The following PCDHA10 variants were observed in gnomAD, a reference collection of about 807,000 sequenced individuals.
The protein encoded by PCDHA10 is protocadherin alpha 10.
Under a neutral mutation model 61.2 loss-of-function variants are expected in PCDHA10, and 45 were observed. That is an observed-to-expected ratio of 0.74 (90% CI 0.58 to 0.94). The LOEUF is 0.94. Among genes scored for constraint, PCDHA10 ranks in the 40% least tolerant of loss-of-function variants. The probability of loss-of-function intolerance (pLI) is 0.00; values close to 1 mark genes in which losing one functional copy is unlikely to be tolerated. For synonymous variants in PCDHA10, 602 were observed against 548.8 expected, an observed-to-expected ratio of 1.10 and a Z score of -1.35; for missense variants, 1,278 against 1,236.2, an observed-to-expected ratio of 1.03 and a Z score of -0.51.
At chr5:140,896,470 C>T (rs1583233416) in intron 1 of PCDHA10, among the ~76,000 whole-genome samples, 2 of 151,962 alleles carry the variant, frequency 1.3e-5, no homozygotes, top group South Asian at 4.2e-4. Context: ...TCAAGCGGTT[C>T]TCCTGCCTCA....
chr5:140,877,112 G>A, intron 1 of PCDHA10: 1 of 1,613,670 alleles, frequency 6.2e-7, no homozygotes, highest in Non-Finnish European at 8.5e-7. Flanking sequence ...CCTCTGGGCA[G>A]CAACGTGACG....
intron 1 of PCDHA10, chr5:140,875,939 G>A (rs2055971750): frequency 6.2e-7 from 1 of 1,614,158 alleles, no homozygotes; most frequent in Non-Finnish European, 8.5e-7. Flanking sequence ...CCTCTAGAGG[G>A]CGCTTCTGAT....
Position 140,871,086 on chromosome 5 carries a change from G to C in PCDHA10, c.2388+12650G>C, listed in dbSNP as rs556097993. The C allele has an allele frequency of 1.9e-6, 3 of 1,613,256 alleles. No individual in the cohort carries two copies. In the South Asian group the frequency reaches 3.3e-5, roughly 18 times the overall value. ...ACGGTGAGCCGGCGCTGACGGCCAC[G>C]GCCACCGTGCTGGTGTCGTTGGTGG... On this transcript the variant is annotated intron_variant, in intron 1 of 3. Coordinates refer to ENST00000307360, the MANE Select transcript of PCDHA10 (RefSeq NM_018901.4).
intron 3 of PCDHA10, among the ~76,000 whole-genome samples, chr5:141,004,566 T>C (rs2098171206): frequency 6.6e-6 from 1 of 152,186 alleles, no homozygotes; most frequent in Non-Finnish European, 1.5e-5. Context: ...GATGAACATA[T>C]CTCTGTGTTC....
At chr5:140,871,187 T>C in intron 1 of PCDHA10, 1 of 1,613,626 alleles carries the variant, frequency 6.2e-7, no homozygotes, top group Non-Finnish European at 8.5e-7. Flanking sequence ...CTGGTGGATG[T>C]CAACGTGTAC....
intron 1 of PCDHA10, among the ~76,000 whole-genome samples, chr5:140,972,527 C>A (rs1173109086): frequency 6.6e-6 from 1 of 152,092 alleles, no homozygotes; most frequent in Non-Finnish European, 1.5e-5. Flanking sequence ...GAGCTTATTT[C>A]ATAAATCACT....
At position 140,857,104 on chromosome 5, in the gene PCDHA10, T is replaced by G; in HGVS notation, c.1056T>G (p.Thr352=). Residue 352 remains threonine, a synonymous_variant, in exon 1 of 4, where the codon ACT becomes ACG. Transcript: ENST00000307360. ...ATAATTCACCTGAGGTGATTGTCACTTCTCTGTCTCTCCCAGTGAAAGAAG... is the reference window on the plus strand; with the variant it reads ...ATAATTCACCTGAGGTGATTGTCACGTCTCTGTCTCTCCCAGTGAAAGAAG... ...ENDNSPEVIV[T]SLSLPVKEDA... is the part of the protein sequence containing the mutation. 3.8e-6 allele frequency: 6 copies of G among 1,597,962 alleles called. No homozygotes were observed. The highest frequency in any genetic ancestry group is 5.1e-6 in the Non-Finnish European group (6 of 1,167,488).
At chr5:140,999,605 G>T (rs1587843541) in intron 3 of PCDHA10, among the ~76,000 whole-genome samples, 2 of 152,132 alleles carry the variant, frequency 1.3e-5, no homozygotes, top group Admixed American at 1.3e-4. Context: ...CATCCTGGGG[G>T]ACCTTATCAA....
intron 1 of PCDHA10, chr5:140,927,419 G>T (rs781883331): frequency 1.9e-6 from 3 of 1,614,140 alleles, no homozygotes; most frequent in South Asian, 2.2e-5. Flanking sequence ...ATGGGATCGC[G>T]GGTTGACGGC....
At chr5:140,987,995 C>T (rs1554249784) in intron 3 of PCDHA10, among the ~76,000 whole-genome samples, 3 of 152,178 alleles carry the variant, frequency 2.0e-5, no homozygotes, top group African/African-American at 7.2e-5. Flanking sequence ...CATCTCTGAT[C>T]CTTCCCCAGA....
At chr5:140,984,132 G>A (rs1395953013) in intron 3 of PCDHA10, among the ~76,000 whole-genome samples, 1 of 152,240 alleles carries the variant, frequency 6.6e-6, no homozygotes, top group African/African-American at 2.4e-5. Context: ...GTTGCAGGAT[G>A]TGGAGGCATC....
chr5:140,972,499 G>A (rs1398741603), intron 1 of PCDHA10, among the ~76,000 whole-genome samples: 3 of 151,888 alleles, frequency 2.0e-5, no homozygotes, highest in South Asian at 4.2e-4. Flanking sequence ...TAATCTGTTG[G>A]TAGATTTTAC....
chr5:140,973,015 A>T (rs1554234824), intron 1 of PCDHA10, among the ~76,000 whole-genome samples: 1 of 152,000 alleles, frequency 6.6e-6, no homozygotes, highest in African/African-American at 2.4e-5. Context: ...TGGTGTTGTG[A>T]TTGTTAATGA....
At chr5:140,961,617 C>A (rs781986571) in intron 1 of PCDHA10, among the ~76,000 whole-genome samples, 47 of 152,204 alleles carry the variant, frequency 3.1e-4, no homozygotes, top group Middle Eastern at 3.4e-3. Context: ...AACTAAAGTG[C>A]CCATATGAAA....
In PCDHA10 at chr5:140,856,289, G is replaced by A. The variant is rs138367057; in HGVS notation, c.241G>A (p.Gly81Ser). ...GDLLEVNLQNGILFVNSRIDR... is the reference protein window; with the variant it reads ...GDLLEVNLQNSILFVNSRIDR... Reference sequence around the variant, plus strand: ...CCTTCTGGAGGTAAATCTGCAGAATGGCATTTTGTTTGTGAATTCTCGGAT... The same window carrying A: ...CCTTCTGGAGGTAAATCTGCAGAATAGCATTTTGTTTGTGAATTCTCGGAT... Residue 81 changes from glycine to serine, a missense_variant, in exon 1 of 4, where the codon GGC becomes AGC. By Grantham distance (56) the Gly-to-Ser change is moderately conservative (BLOSUM62 0). Coordinates refer to ENST00000307360, the MANE Select transcript of PCDHA10 (RefSeq NM_018901.4). The A allele has an allele frequency of 3.3e-4, 527 of 1,598,532 alleles. 21 individuals carry two copies. The African/African-American group carries it at 6.0e-3, about 18-fold the overall frequency.
At chr5:140,891,818 C>T (rs1331998195) in intron 1 of PCDHA10, among the ~76,000 whole-genome samples, 1 of 152,118 alleles carries the variant, frequency 6.6e-6, no homozygotes, top group Non-Finnish European at 1.5e-5. Context: ...AATAAATTAA[C>T]GGCACTGTAA....
chr5:140,981,144 A>G (rs1245688386), intron 2 of PCDHA10, among the ~76,000 whole-genome samples: 1 of 152,238 alleles, frequency 6.6e-6, no homozygotes, highest in African/African-American at 2.4e-5. Flanking sequence ...GAGTGAGAAA[A>G]CATTGAACTT....
chr5:140,921,942 C>G (rs1025333030), intron 1 of PCDHA10, among the ~76,000 whole-genome samples: 3 of 151,730 alleles, frequency 2.0e-5, no homozygotes, highest in Non-Finnish European at 4.4e-5. Context: ...TAATTTTACA[C>G]TTGTAAAATC....
chr5:140,965,374 G>A (rs1554227648), intron 1 of PCDHA10, among the ~76,000 whole-genome samples: 1 of 152,098 alleles, frequency 6.6e-6, no homozygotes, highest in Admixed American at 6.6e-5. Flanking sequence ...AGGAAACTTG[G>A]GGACACAGAA....
Sources: gnomAD v4.1 joint callset for allele counts (sites outside exome capture counted in the v4.1 genomes callset) on GRCh38, gnomAD v4.1.1 for gene constraint, MANE v1.5 for transcripts, NCBI Gene and HGNC (gene_info 2026-07-23, HGNC 2026-07-21) for gene names.